The following SLC26A7 variants were observed in gnomAD, a reference collection of about 807,000 sequenced individuals.
SLC26A7 encodes the protein anion exchange transporter.
SLC26A7 carries 59 observed loss-of-function variants against 82.5 expected under a neutral mutation model. The observed-to-expected ratio is 0.72, with a 90% CI of 0.58 to 0.89. The LOEUF (loss-of-function observed/expected upper bound fraction) is 0.89, where lower values mean the gene tolerates loss of function less well. Among genes scored for constraint, SLC26A7 ranks in the 40% least tolerant of loss-of-function variants. The probability of loss-of-function intolerance (pLI) is 0.00; values close to 1 mark genes in which losing one functional copy is unlikely to be tolerated. For synonymous variants in SLC26A7, 271 were observed against 274.3 expected, an observed-to-expected ratio of 0.99 and a Z score of 0.12; for missense variants, 820 against 793.0, an observed-to-expected ratio of 1.03 and a Z score of -0.41.
At chr8:91,312,074 G>A (rs138899927) in intron 4 of SLC26A7, among the ~76,000 whole-genome samples, 20 of 151,974 alleles carry the variant, frequency 1.3e-4, no homozygotes, top group African/African-American at 4.8e-4. Context: ...TTTTCAACTT[G>A]TAAAACTGAA....
chr8:91,372,625 T>A (rs1179542930), intron 15 of SLC26A7, among the ~76,000 whole-genome samples: 1 of 152,098 alleles, frequency 6.6e-6, no homozygotes, highest in African/African-American at 2.4e-5. Flanking sequence ...GCTTTTTTGG[T>A]TACTATAGCC....
intron 12 of SLC26A7, among the ~76,000 whole-genome samples, chr8:91,363,048 G>C (rs1336188415): frequency 2.0e-5 from 3 of 151,976 alleles, no homozygotes; most frequent in African/African-American, 4.8e-5. Context: ...GTGAAATAAT[G>C]TATTCTAAAA....
chr8:91,266,461 T>A (rs1020126780), intron 2 of SLC26A7, among the ~76,000 whole-genome samples: 1 of 152,010 alleles, frequency 6.6e-6, no homozygotes, highest in African/African-American at 2.4e-5. Flanking sequence ...TGGTTATATT[T>A]ATTCCTAGGT....
At chr8:91,350,818 C>A (rs1813693345) in intron 9 of SLC26A7, among the ~76,000 whole-genome samples, 1 of 152,092 alleles carries the variant, frequency 6.6e-6, no homozygotes, top group African/African-American at 2.4e-5. Flanking sequence ...TGTTTCATTT[C>A]TCTTAGCCAG....
intron 18 of SLC26A7, 70 bp from the exon 19 acceptor site, chr8:91,394,992 T>G (rs776254241): frequency 7.3e-5 from 112 of 1,540,700 alleles, no homozygotes; most frequent in Non-Finnish European, 9.8e-5. Context: ...TTACTACTGT[T>G]CTTTTACTTT....
At chr8:91,362,488 T>C in intron 12 of SLC26A7, 29 bp downstream of exon 12, 1 of 1,567,708 alleles carries the variant, frequency 6.4e-7, no homozygotes, top group Non-Finnish European at 8.8e-7. Flanking sequence ...GCTCTGTTTA[T>C]TTTTGCACAG....
intron 2 of SLC26A7, among the ~76,000 whole-genome samples, chr8:91,285,931 T>C (rs1471672266): frequency 2.0e-5 from 3 of 152,248 alleles, no homozygotes; most frequent in Non-Finnish European, 4.4e-5. Context: ...TGTGTTTCTT[T>C]GGTTTTCTGA....
intron 2 of SLC26A7, among the ~76,000 whole-genome samples, chr8:91,233,782 A>T (rs941576624): frequency 6.6e-6 from 1 of 152,170 alleles, no homozygotes; most frequent in African/African-American, 2.4e-5. Context: ...TGCTTTGGTC[A>T]TAGAGTCCTC....
intron 2 of SLC26A7, among the ~76,000 whole-genome samples, chr8:91,257,951 A>G (rs1360898302): frequency 6.6e-6 from 1 of 152,070 alleles, no homozygotes; most frequent in African/African-American, 2.4e-5. Flanking sequence ...GTGCCTCTTC[A>G]CAGGGTGGCA....
chr8:91,230,523 A>G (rs1253455967), intron 2 of SLC26A7, among the ~76,000 whole-genome samples: 1 of 152,174 alleles, frequency 6.6e-6, no homozygotes, highest in Non-Finnish European at 1.5e-5. Context: ...TTCCTGGCAC[A>G]TTTTGGTCCT....
intron 5 of SLC26A7, among the ~76,000 whole-genome samples, chr8:91,319,998 A>G (rs946092089): frequency 6.6e-6 from 1 of 151,992 alleles, no homozygotes; most frequent in Non-Finnish European, 1.5e-5. Context: ...TTCATTTTGT[A>G]TTTTTGAGGG....
At chr8:91,269,660 A>G (rs939696384) in intron 2 of SLC26A7, among the ~76,000 whole-genome samples, 2 of 152,162 alleles carry the variant, frequency 1.3e-5, no homozygotes, top group Admixed American at 6.5e-5. Flanking sequence ...GGATGCTGCC[A>G]TCTTTCTCCT....
intron 2 of SLC26A7, among the ~76,000 whole-genome samples, chr8:91,233,023 T>C (rs989755699): frequency 1.3e-5 from 2 of 152,232 alleles, no homozygotes; most frequent in Non-Finnish European, 2.9e-5. Flanking sequence ...ACTTCCAAGT[T>C]GGTGGAGAAT....
intron 4 of SLC26A7, among the ~76,000 whole-genome samples, chr8:91,313,143 C>A (rs1812536396): frequency 6.6e-6 from 1 of 152,022 alleles, no homozygotes; most frequent in Non-Finnish European, 1.5e-5. Flanking sequence ...ATCTTTGAAC[C>A]ATTTTGATTA....
chr8:91,247,278 C>G (rs1257051934), upstream of SLC26A7, among the ~76,000 whole-genome samples: 1 of 151,972 alleles, frequency 6.6e-6, no homozygotes, highest in Non-Finnish European at 1.5e-5. Flanking sequence ...AGAGATATTC[C>G]ATATAGATGG....
intron 4 of SLC26A7, among the ~76,000 whole-genome samples, chr8:91,297,620 AC>A (rs1479807525): frequency 6.6e-6 from 1 of 152,086 alleles, no homozygotes; most frequent in East Asian, 1.9e-4. Context: ...TATGTGACTT[AC>A]GTTTTAGCCA....
intron 2 of SLC26A7, among the ~76,000 whole-genome samples, chr8:91,271,617 C>T (rs1373082670): frequency 1.2e-4 from 14 of 119,470 alleles, no homozygotes; most frequent in East Asian, 4.9e-4. Flanking sequence ...TTTTTTGAGA[C>T]GGAGTCTCGC....
At chr8:91,289,296 A>T in intron 3 of SLC26A7, 50 bp downstream of exon 3, 1 of 1,380,454 alleles carries the variant, frequency 7.2e-7, no homozygotes, top group South Asian at 1.2e-5. Context: ...AAAAAGACTT[A>T]GTGATTATTA....
At chr8:91,307,614 A>G (rs1161646523) in intron 4 of SLC26A7, among the ~76,000 whole-genome samples, 2 of 132,240 alleles carry the variant, frequency 1.5e-5, no homozygotes, top group Non-Finnish European at 3.2e-5. Context: ...TCACATGGAC[A>G]CAGGAAGGGG....
Sources: gnomAD v4.1 joint callset for allele counts (sites outside exome capture counted in the v4.1 genomes callset) on GRCh38, gnomAD v4.1.1 for gene constraint, MANE v1.5 for transcripts, NCBI Gene and HGNC (gene_info 2026-07-23, HGNC 2026-07-21) for gene names.